FLT4: variants seen among roughly 807,000 people sequenced by gnomAD.
FLT4 encodes the protein fms related receptor tyrosine kinase 4.
A neutral mutation model predicts 163.2 loss-of-function variants in FLT4; 30 were observed. The observed-to-expected ratio is 0.18, with a 90% CI of 0.14 to 0.25. The LOEUF (loss-of-function observed/expected upper bound fraction) is 0.25, where lower values mean the gene tolerates loss of function less well. Among genes scored for constraint, FLT4 ranks in the 10% least tolerant of loss-of-function variants. The pLI is 1.00. For missense variants in FLT4, 1,510 were observed against 1,863.8 expected, an observed-to-expected ratio of 0.81 and a Z score of 3.50; for synonymous variants, 884 against 789.5, an observed-to-expected ratio of 1.12 and a Z score of -2.01.
At chr5:180,603,421 G>A (rs1372483312) in intron 29 of FLT4, 31 bp from the exon 30 acceptor site, 2 of 1,606,318 alleles carry the variant, frequency 1.2e-6, no homozygotes, top group Admixed American at 1.7e-5. Context: ...GTGTTAGTAA[G>A]AGAAGAAGGC....
chr5:180,606,893 TAAAAAAAAAA>T (rs746617863), intron 29 of FLT4, among the ~76,000 whole-genome samples: 8 of 15,542 alleles, frequency 5.1e-4, no homozygotes, highest in South Asian at 0.013. Context: ...CCGTCTCTAC[TAAAAAAAAAA>T]AAAAAAAAAA....
At chr5:180,614,868 CCT>C (rs1762514754) in intron 23 of FLT4, among the ~76,000 whole-genome samples, 1 of 152,010 alleles carries the variant, frequency 6.6e-6, no homozygotes, top group African/African-American at 2.4e-5. Context: ...TGCTCCTCCC[CCT>C]CTGACACCCT....
rs754952850 is a variant in FLT4 at position 180,623,996 on chromosome 5, T to A, written c.1487A>T (p.Asp496Val). 2 of 1,613,510 alleles carry A rather than the reference T, an allele frequency of 1.2e-6. No individual in the cohort carries two copies. ...CRDWRAVTTQDAVNPIESLDT... is the reference protein window; with the variant it reads ...CRDWRAVTTQVAVNPIESLDT... ...CAGGCTCTCGATGGGGTTCACGGCA[T>A]CCTGCGTGGTCACCGCCCTCCAGTC... Residue 496 changes from aspartate (D) to valine (V), a missense_variant, in exon 11 of 30, where the codon GAT becomes GTT. Physicochemically the swap from Asp to Val is radical, Grantham distance 152. Coordinates refer to ENST00000261937, the MANE Select transcript of FLT4 (RefSeq NM_182925.5). The surrounding 1 kb of genome is among the most constrained non-coding windows in gnomAD (Gnocchi z 5.8).
rs570495475 is a variant in FLT4 at position 180,621,363 on chromosome 5, T to C, written c.2021-111A>G. 3.2e-4 allele frequency: 457 copies of C among 1,434,434 alleles called. No individual in the cohort carries two copies. The African/African-American group carries it at 5.5e-3, about 17-fold the overall frequency. 88.9% of individuals were successfully genotyped at this position (1,434,434 alleles called of 1,614,324 possible). ...ATCCCTGGAAGCTGGACTTAGGGGT[T>C]GTGCGCCGGGCAGGAGCGCGGCGCG... On this transcript the variant is annotated intron_variant, in intron 13 of 29. Coordinates refer to ENST00000261937, the MANE Select transcript of FLT4 (RefSeq NM_182925.5).
Position 180,609,987 on chromosome 5 carries a change from C to T in FLT4, c.3725G>A (p.Arg1242Lys). ...GGAGGAACCACGGGTCTCAGCCCCT[C>T]TGGCCAGGCACCCGGGAAAGGACAC... is the stretch of plus-strand genomic sequence containing the variant. ...NWVSFPGCLA[R>K]GAETRGSSRM... The change falls in exon 28 of 30, where the codon AGA becomes AAA. Residue 1242 changes from arginine (R) to lysine (K), a missense_variant. Physicochemically the swap from Arg to Lys is conservative, Grantham distance 26. Coordinates refer to ENST00000261937, the MANE Select transcript of FLT4 (RefSeq NM_182925.5). 1 of 1,614,206 alleles carries T rather than the reference C, an allele frequency of 6.2e-7. No homozygotes were observed. The highest frequency in any genetic ancestry group is 1.7e-5 in the Admixed American group (1 of 60,028).
intron 26 of FLT4, among the ~76,000 whole-genome samples, chr5:180,612,228 CG>C (rs897352594): frequency 3.3e-5 from 5 of 152,052 alleles, no homozygotes; most frequent in African/African-American, 9.7e-5. Flanking sequence ...CCTCACAGGC[CG>C]GGGGGGACCA....
At chr5:180,631,282 C>T (rs528423320) in intron 2 of FLT4, among the ~76,000 whole-genome samples, 3 of 151,300 alleles carry the variant, frequency 2.0e-5, no homozygotes, top group Admixed American at 6.7e-5. Flanking sequence ...GACCATCCTG[C>T]TTAACACGGT....
intron 12 of FLT4, 102 bp from the exon 13 acceptor site, chr5:180,622,006 C>CT: frequency 4.8e-6 from 7 of 1,462,356 alleles, no homozygotes; most frequent in Non-Finnish European, 5.6e-6. Context: ...CTCCCTCTCT[C>CT]CTGGAGGGGC....
intron 10 of FLT4, among the ~76,000 whole-genome samples, chr5:180,624,708 G>A (rs1300420022): frequency 6.6e-6 from 1 of 152,208 alleles, no homozygotes; most frequent in East Asian, 1.9e-4. Flanking sequence ...TGCAGGCCCA[G>A]CACAGTCCCA....
At chr5:180,631,153 G>A (rs896071862) in intron 2 of FLT4, among the ~76,000 whole-genome samples, 3 of 152,100 alleles carry the variant, frequency 2.0e-5, no homozygotes, top group African/African-American at 4.8e-5. Flanking sequence ...GGAGTGGGGT[G>A]CAGGGTGATG....
chr5:180,631,256 G>A (rs370369421), intron 2 of FLT4, among the ~76,000 whole-genome samples: 28 of 151,960 alleles, frequency 1.8e-4, no homozygotes, highest in African/African-American at 5.6e-4. Flanking sequence ...GGTGGGTTAC[G>A]AGGTCAGGAG....
intron 8 of FLT4, among the ~76,000 whole-genome samples, chr5:180,628,071 A>G (rs1318566028): frequency 2.0e-5 from 3 of 152,104 alleles, no homozygotes; most frequent in Admixed American, 6.5e-5. Flanking sequence ...GCCAGGAGGG[A>G]GGTGCCCAGG....
In FLT4 at chr5:180,630,757, C is replaced by G; in HGVS notation, c.198G>C (p.Glu66Asp). Residue 66 changes from glutamate to aspartate, a missense_variant, in exon 3 of 30, where the codon GAG (glutamate) becomes GAC (aspartate). By Grantham distance (45) the Glu-to-Asp change is conservative. Coordinates refer to ENST00000261937, the MANE Select transcript of FLT4 (RefSeq NM_182925.5). This position sits in a 1 kb window ranked among gnomAD's most constrained non-coding sequence, Gnocchi z 6.3. ...TGTCCTTGTCTCCGGTGGCTGGCGC[C>G]TCCTGAGCTCCTGGCCAAGCCCACT... ...PLEWAWPGAQ[E>D]APATGDKDSE... 6.2e-7 allele frequency: 1 copy of G among 1,608,466 alleles called. No homozygotes were observed. The highest frequency in any genetic ancestry group is 8.5e-7 in the Non-Finnish European group (1 of 1,179,700).
At chr5:180,644,034 C>T (rs1765337076) in intron 1 of FLT4, among the ~76,000 whole-genome samples, 1 of 152,182 alleles carries the variant, frequency 6.6e-6, no homozygotes, top group East Asian at 1.9e-4. Flanking sequence ...GTTGGCCAGG[C>T]TCTCAAACTC....
chr5:180,625,291 C>A (rs1007077622), intron 10 of FLT4, among the ~76,000 whole-genome samples: 10 of 152,224 alleles, frequency 6.6e-5, no homozygotes, highest in African/African-American at 2.4e-4. Context: ...TGCTGGCATC[C>A]CGCTCAGTGG....
intron 26 of FLT4, among the ~76,000 whole-genome samples, chr5:180,612,135 G>C (rs931678633): frequency 7.9e-5 from 12 of 152,192 alleles, no homozygotes; most frequent in Admixed American, 7.9e-4. Flanking sequence ...ACAGGTCAAG[G>C]GTCCGTGTGT....
At chr5:180,647,109 C>T (rs1029121420) in intron 1 of FLT4, among the ~76,000 whole-genome samples, 2 of 152,206 alleles carry the variant, frequency 1.3e-5, no homozygotes, top group African/African-American at 4.8e-5. Flanking sequence ...CAAGGGCAAA[C>T]GTCCTGAGAC....
chr5:180,605,568 C>G (rs1041151819), intron 29 of FLT4, among the ~76,000 whole-genome samples: 8 of 152,208 alleles, frequency 5.3e-5, no homozygotes, highest in Non-Finnish European at 1.2e-4. Flanking sequence ...GAAATAGCCA[C>G]TTCTCCTGTG....
At chr5:180,616,571 A>T in intron 22 of FLT4, 82 bp from the exon 23 acceptor site, 1 of 1,501,974 alleles carries the variant, frequency 6.7e-7, no homozygotes, top group East Asian at 2.3e-5. Flanking sequence ...AGGGTGCCCA[A>T]GCAGTGGGGA....
Sources: allele counts gnomAD v4.1 joint callset (sites outside exome capture counted in the v4.1 genomes callset), GRCh38; gene constraint gnomAD v4.1.1; non-coding constraint Gnocchi (gnomAD v3.1); transcripts MANE v1.5; gene names NCBI Gene and HGNC (gene_info 2026-07-23, HGNC 2026-07-21).